PGAP1: variants seen among roughly 807,000 people sequenced by gnomAD.
The protein encoded by PGAP1 is GPI inositol-deacylase.
A neutral mutation model predicts 127.0 loss-of-function variants in PGAP1; 76 were observed. The observed-to-expected ratio is 0.60, with a 90% CI of 0.50 to 0.72. The LOEUF (loss-of-function observed/expected upper bound fraction) is 0.72. PGAP1 is among the 30% of genes least tolerant of loss of function. The probability of loss-of-function intolerance (pLI) is 0.00; values close to 1 mark genes in which losing one functional copy is unlikely to be tolerated. For synonymous variants in PGAP1, 362 were observed against 366.5 expected (o/e 0.99, Z 0.14); for missense variants, 982 against 1,071.3 (o/e 0.92, Z 1.16).
In PGAP1 at chr2:196,865,050, C is replaced by T; in HGVS notation, c.1798G>A (p.Ala600Thr). ...AGAAGGATATTAGATACGACATAAG[C>T]AGGAAGAGCTCCACCATGAAATCTA... ...VVRFHGGALP[A>T]YVVSNILLAY... Residue 600 changes from alanine to threonine, a missense_variant, in exon 20 of 27, where the codon GCT becomes ACT. Transcript: ENST00000354764. 1 of 1,568,818 alleles carries T rather than the reference C, an allele frequency of 6.4e-7. No individual in the cohort carries two copies.
At chr2:196,902,436 C>T (rs963644417) in intron 5 of PGAP1, 149 bp downstream of exon 5, 7 of 530,030 alleles carry the variant, frequency 1.3e-5, no homozygotes, top group South Asian at 4.0e-5. Context: ...CTCTCTTTCC[C>T]TCTCTCTCTT....
At chr2:196,902,775 C>G (rs375351091) in intron 4 of PGAP1, 33 bp from the exon 5 acceptor site, 1 of 1,517,866 alleles carries the variant, frequency 6.6e-7, no homozygotes, top group Non-Finnish European at 9.0e-7. Flanking sequence ...CATTAAAAAA[C>G]AGTAGCCATT....
At chr2:196,905,810 T>G (rs567084269) in intron 4 of PGAP1, among the ~76,000 whole-genome samples, 2 of 136,048 alleles carry the variant, frequency 1.5e-5, no homozygotes, top group African/African-American at 5.5e-5. Context: ...GGTCAGGGAG[T>G]TCCCTTTCCG....
intron 17 of PGAP1, 81 bp downstream of exon 17, chr2:196,872,879 A>G (rs537762604): frequency 1.5e-6 from 1 of 645,220 alleles, no homozygotes; most frequent in Admixed American, 3.1e-5. Context: ...TTAATAATTC[A>G]TGATTTAAAT....
chr2:196,879,105 C>A (rs528100910), intron 13 of PGAP1, among the ~76,000 whole-genome samples: 1 of 151,852 alleles, frequency 6.6e-6, no homozygotes, highest in Non-Finnish European at 1.5e-5. Context: ...TTATGTTGAC[C>A]GGGCTGCAGT....
intron 20 of PGAP1, among the ~76,000 whole-genome samples, chr2:196,852,832 T>C (rs779082841): frequency 1.3e-5 from 2 of 152,042 alleles, no homozygotes; most frequent in East Asian, 1.9e-4. Flanking sequence ...ATTTAAGAAA[T>C]AGGAAATACT....
At chr2:196,912,819 G>A (rs1367797395) in intron 4 of PGAP1, 63 bp downstream of exon 4, 2 of 1,432,746 alleles carry the variant, frequency 1.4e-6, no homozygotes, top group East Asian at 2.4e-5. Context: ...AATAGCCACA[G>A]AGATTGATTT....
intron 20 of PGAP1, among the ~76,000 whole-genome samples, chr2:196,852,198 A>G (rs1700740512): frequency 1.3e-5 from 2 of 152,186 alleles, no homozygotes; most frequent in African/African-American, 4.8e-5. Context: ...AATGAAATCT[A>G]TAAGGCTTTT....
intron 20 of PGAP1, among the ~76,000 whole-genome samples, chr2:196,861,493 A>C (rs1428135722): frequency 6.6e-6 from 1 of 152,218 alleles, no homozygotes; most frequent in African/African-American, 2.4e-5. Context: ...AAATACTCTA[A>C]TTTTAAAAGT....
At chr2:196,899,963 T>C (rs1460381583) in intron 5 of PGAP1, among the ~76,000 whole-genome samples, 1 of 152,176 alleles carries the variant, frequency 6.6e-6, no homozygotes, top group African/African-American at 2.4e-5. Context: ...GCTTGAACCC[T>C]GGAGGCAGAG....
intron 18 of PGAP1, among the ~76,000 whole-genome samples, 188 bp from the exon 19 acceptor site, chr2:196,871,167 T>C (rs1014962405): frequency 6.6e-6 from 1 of 152,190 alleles, no homozygotes; most frequent in South Asian, 2.1e-4. Context: ...AGTAGAGTGT[T>C]ACTGTTTAGT....
chr2:196,847,902 A>G (rs1700605313), intron 21 of PGAP1, 45 bp downstream of exon 21: 1 of 1,339,992 alleles, frequency 7.5e-7, no homozygotes, highest in African/African-American at 1.5e-5. Flanking sequence ...ATAATGTTAC[A>G]TGTAAAACAC....
chr2:196,896,068 C>A (rs898926300), intron 7 of PGAP1, among the ~76,000 whole-genome samples: 35 of 152,060 alleles, frequency 2.3e-4, no homozygotes, highest in Admixed American at 1.9e-3. Flanking sequence ...GGAAAGAATT[C>A]TCTGAATTTT....
At chr2:196,855,589 A>G (rs1207472365) in intron 20 of PGAP1, among the ~76,000 whole-genome samples, 1 of 152,168 alleles carries the variant, frequency 6.6e-6, no homozygotes, top group Non-Finnish European at 1.5e-5. Context: ...TCTATTTGAA[A>G]TGTTGGTTCT....
rs752578891 is a variant in PGAP1 at position 196,873,530 on chromosome 2, T to C, written c.1550A>G (p.Lys517Arg). Residue 517 changes from lysine (K) to arginine (R), a missense_variant and splice_region_variant, in exon 16 of 27, where the codon AAA (lysine) becomes AGA (arginine). By Grantham distance (26) the Lys-to-Arg change is conservative. Coordinates refer to ENST00000354764, the MANE Select transcript of PGAP1 (RefSeq NM_024989.4). ...CATTTTTTAGAAAACATATTTACCT[T>C]TGACTGCTGAGCACTTGCTTACCAC... is the stretch of plus-strand genomic sequence containing the variant. Reference protein sequence around the residue: ...INVVSKCSAVKEEITSIYRLH... With the variant: ...INVVSKCSAVREEITSIYRLH... 26 of 1,606,922 alleles carry C rather than the reference T, an allele frequency of 1.6e-5. No individual in the cohort carries two copies. The Admixed American group carries it at 3.5e-4, about 22-fold the overall frequency.
At chr2:196,885,733 A>G in intron 11 of PGAP1, 101 bp downstream of exon 11, 1 of 728,972 alleles carries the variant, frequency 1.4e-6, no homozygotes, top group Non-Finnish European at 2.0e-6. Flanking sequence ...AATTTCATAT[A>G]GCATCAAAAT....
intron 1 of PGAP1, chr2:196,922,606 AC>A: frequency 2.5e-6 from 2 of 810,948 alleles, no homozygotes; most frequent in Non-Finnish European, 3.0e-6. Flanking sequence ...ACACACACAC[AC>A]ACACACACAA....
chr2:196,898,926 GAA>G (rs200619626), intron 5 of PGAP1, among the ~76,000 whole-genome samples: 1 of 137,066 alleles, frequency 7.3e-6, no homozygotes, highest in Non-Finnish European at 1.6e-5. Flanking sequence ...TATATATTTT[GAA>G]AAAAAAAAAA....
At chr2:196,925,313 A>C (rs901916832) in intron 1 of PGAP1, among the ~76,000 whole-genome samples, 1 of 152,248 alleles carries the variant, frequency 6.6e-6, no homozygotes, top group African/African-American at 2.4e-5. Context: ...GGCTTCCTCC[A>C]TAATGACTTG....
Sources: gnomAD v4.1 joint callset for allele counts (sites outside exome capture counted in the v4.1 genomes callset) on GRCh38, gnomAD v4.1.1 for gene constraint, MANE v1.5 for transcripts, NCBI Gene and HGNC (gene_info 2026-07-23, HGNC 2026-07-21) for gene names.